Variants in LRRIQ1 observed in about 807,000 individuals in gnomAD.
The protein encoded by LRRIQ1 is leucine-rich repeat- and IQ domain-containing protein 1.
In LRRIQ1, 210 loss-of-function variants were observed where a neutral mutation model predicts 211.9. That is an observed-to-expected ratio of 0.99 (90% CI 0.89 to 1.11). LRRIQ1 has a LOEUF of 1.11. Ranked by LOEUF, LRRIQ1 falls within the 50% of genes most tolerant of loss-of-function variation. The pLI is 0.00. For missense variants in LRRIQ1, 2,136 were observed against 1,939.5 expected, an observed-to-expected ratio of 1.10 and a Z score of -1.90; for synonymous variants, 699 against 650.1, an observed-to-expected ratio of 1.08 and a Z score of -1.14.
chr12:85,219,745 A>AT (rs1341685403), intron 24 of LRRIQ1, among the ~76,000 whole-genome samples: 4 of 152,012 alleles, frequency 2.6e-5, no homozygotes, highest in Non-Finnish European at 5.9e-5. Context: ...TCATGAAGTC[A>AT]TTTTTTCTGA....
chr12:85,186,601 A>G (rs1263150584), intron 24 of LRRIQ1, among the ~76,000 whole-genome samples: 11 of 152,164 alleles, frequency 7.2e-5, no homozygotes, highest in Non-Finnish European at 1.5e-4. Flanking sequence ...ATTTATATAC[A>G]TCTCTCCGAG....
At chr12:85,135,435 G>A (rs769694985) in intron 18 of LRRIQ1, among the ~76,000 whole-genome samples, 2 of 151,412 alleles carry the variant, frequency 1.3e-5, no homozygotes, top group Non-Finnish European at 1.5e-5. Flanking sequence ...TGCCTAGATC[G>A]ATTATTGTAT....
At chr12:85,195,037 A>G (rs1892819779) in intron 24 of LRRIQ1, among the ~76,000 whole-genome samples, 1 of 152,210 alleles carries the variant, frequency 6.6e-6, no homozygotes, top group Non-Finnish European at 1.5e-5. Flanking sequence ...AGAGAATACT[A>G]CAAACACCTC....
chr12:85,236,719 G>T (rs1895187242), intron 26 of LRRIQ1, among the ~76,000 whole-genome samples: 2 of 150,452 alleles, frequency 1.3e-5, no homozygotes. Flanking sequence ...AGGAAAAAAA[G>T]ATACATATTT....
At chr12:85,092,731 T>C (rs574299455) in intron 11 of LRRIQ1, among the ~76,000 whole-genome samples, 31 of 152,298 alleles carry the variant, frequency 2.0e-4, no homozygotes, top group Non-Finnish European at 4.1e-4. Flanking sequence ...CTTTGGTGTT[T>C]GTCAAAAGGA....
At chr12:85,250,003 T>C (rs1895856625), downstream of LRRIQ1, among the ~76,000 whole-genome samples, 1 of 151,858 alleles carries the variant, frequency 6.6e-6, no homozygotes, top group African/African-American at 2.4e-5. Flanking sequence ...TTGTTTCTTC[T>C]TCTCCTCTGC....
intron 11 of LRRIQ1, among the ~76,000 whole-genome samples, chr12:85,084,805 A>G (rs1200101228): frequency 6.6e-6 from 1 of 152,012 alleles, no homozygotes; most frequent in Admixed American, 6.6e-5. Flanking sequence ...GCATGCCTGT[A>G]GTCCCAGTTA....
chr12:85,051,000 C>A (rs932318934), intron 6 of LRRIQ1, among the ~76,000 whole-genome samples: 42 of 152,278 alleles, frequency 2.8e-4, no homozygotes, highest in African/African-American at 9.9e-4. Context: ...TGTTTATCCC[C>A]TTGAAATCTC....
chr12:85,086,656 G>A (rs1157537295), intron 11 of LRRIQ1, among the ~76,000 whole-genome samples: 1 of 151,566 alleles, frequency 6.6e-6, no homozygotes, highest in Non-Finnish European at 1.5e-5. Context: ...TCCGAAGGAG[G>A]TTGTGATTAT....
intron 17 of LRRIQ1, 125 bp downstream of exon 17, chr12:85,124,644 C>A: frequency 1.3e-6 from 1 of 747,736 alleles, no homozygotes; most frequent in Non-Finnish European, 2.2e-6. Flanking sequence ...CATACCGATT[C>A]CATTATGTTT....
intron 1 of LRRIQ1, among the ~76,000 whole-genome samples, chr12:85,253,074 AGGCTT>A (rs1365457294): frequency 3.3e-5 from 5 of 152,044 alleles, no homozygotes; most frequent in African/African-American, 4.8e-5. Flanking sequence ...TACGTGAAAT[AGGCTT>A]TTTTTCTCTC....
downstream of LRRIQ1, among the ~76,000 whole-genome samples, chr12:85,267,884 A>G (rs115405345): frequency 8.3e-3 from 1,262 of 152,126 alleles, 19 homozygotes; most frequent in African/African-American, 0.029. Context: ...TGAACAAGTG[A>G]CAAACTCTCT....
chr12:85,059,659 T>C (rs1402933150), intron 8 of LRRIQ1, among the ~76,000 whole-genome samples: 1 of 152,036 alleles, frequency 6.6e-6, no homozygotes, highest in Non-Finnish European at 1.5e-5. Flanking sequence ...GTAATGACTT[T>C]CATTACCTGA....
intron 19 of LRRIQ1, among the ~76,000 whole-genome samples, chr12:85,142,110 A>C (rs1026363671): frequency 2.6e-5 from 4 of 151,430 alleles, no homozygotes; most frequent in African/African-American, 9.7e-5. Flanking sequence ...CAATTTTTAA[A>C]TATGCCATTT....
intron 24 of LRRIQ1, among the ~76,000 whole-genome samples, chr12:85,220,609 G>GT (rs1361511079): frequency 2.0e-5 from 3 of 149,402 alleles, no homozygotes; most frequent in African/African-American, 7.4e-5. Flanking sequence ...CTTTTTTTTG[G>GT]TTTTGTGTTT....
intron 24 of LRRIQ1, among the ~76,000 whole-genome samples, chr12:85,181,779 T>C (rs1372499418): frequency 6.6e-6 from 1 of 152,030 alleles, no homozygotes; most frequent in Non-Finnish European, 1.5e-5. Flanking sequence ...TGTACATACA[T>C]ACATATTTCC....
intron 1 of LRRIQ1, among the ~76,000 whole-genome samples, chr12:85,260,084 A>G (rs1160071919): frequency 6.6e-6 from 1 of 150,884 alleles, no homozygotes; most frequent in Non-Finnish European, 1.5e-5. Flanking sequence ...TCAATACTTT[A>G]TACAAAAAGT....
rs762255547 is a variant in LRRIQ1 at position 85,040,565 on chromosome 12, CTCAT to C, written c.211_214del (p.Ile71PhefsTer10). 6.3e-7 allele frequency: 1 copy of C among 1,599,086 alleles called. No individual in the cohort carries two copies. Among genetic ancestry groups the C allele is most frequent in the Non-Finnish European group, 8.5e-7 (1 of 1,170,518 alleles). The stretch of plus-strand genomic sequence containing the variant: ...GAACAGGAGTAAAGCTGTTGAAGAG[CTCAT>C]TCTTCAGGACCTGGAAGATACTGAT... On this transcript the variant is annotated frameshift_variant, in exon 3 of 27. Coordinates refer to ENST00000393217, the MANE Select transcript of LRRIQ1 (RefSeq NM_001079910.2). LOFTEE classifies it high-confidence loss of function.
At chr12:85,146,775 T>C (rs1012578248) in intron 19 of LRRIQ1, among the ~76,000 whole-genome samples, 1 of 151,776 alleles carries the variant, frequency 6.6e-6, no homozygotes, top group Non-Finnish European at 1.5e-5. Flanking sequence ...TTATAAACCA[T>C]AACTAAGATT....
Sources: allele counts gnomAD v4.1 joint callset (sites outside exome capture counted in the v4.1 genomes callset), GRCh38; gene constraint gnomAD v4.1.1; transcripts MANE v1.5; gene names NCBI Gene and HGNC (gene_info 2026-07-23, HGNC 2026-07-21).